RCCD1: variants seen among roughly 807,000 people sequenced by gnomAD.
The protein encoded by RCCD1 is RCC1 domain containing 1.
A neutral mutation model predicts 37.6 loss-of-function variants in RCCD1; 40 were observed. The observed-to-expected ratio is 1.06, with a 90% CI of 0.83 to 1.39. The LOEUF (loss-of-function observed/expected upper bound fraction) is 1.39. Ranked by LOEUF, RCCD1 falls within the 40% of genes most tolerant of loss-of-function variation. The probability of loss-of-function intolerance (pLI) is 0.00; values close to 1 mark genes in which losing one functional copy is unlikely to be tolerated. For synonymous variants in RCCD1, 263 were observed against 230.0 expected (o/e 1.14, Z -1.30); for missense variants, 577 against 517.3 (o/e 1.12, Z -1.12).
At chr15:90,954,985 C>G (rs544473076) in intron 1 of RCCD1, 37 bp downstream of exon 1, 3 of 152,430 alleles carry the variant, frequency 2.0e-5, no homozygotes, top group East Asian at 3.9e-4. Context: ...GGCGTCACTC[C>G]TCGCCAAACC....
chr15:90,959,798 C>T, intron 4 of RCCD1, 102 bp from the exon 5 acceptor site: 1 of 889,668 alleles, frequency 1.1e-6, no homozygotes. Flanking sequence ...TTGGGCAGGG[C>T]AGGCTTTAGT....
chr15:90,960,002 AG>A lies in RCCD1; in HGVS notation c.778+7del, dbSNP rs757216509. 1.5e-4 allele frequency: 234 copies of A among 1,609,424 alleles called. 2 individuals carry two copies. In the South Asian group the frequency reaches 2.5e-3, roughly 17 times the overall value. ...GGAGAGACTGTCGCAAGGGAAGGTG[AG>A]GGTCATCTCGGCTCCCACAGCCGTC... On this transcript the variant is annotated splice_donor_5th_base_variant and intron_variant, in intron 5 of 7. Transcript: ENST00000394258.
In RCCD1 at chr15:90,957,267, G is replaced by T; in HGVS notation, c.321G>T (p.Gly107=). ...QVWAAESALR[G]EPLWAQNVVP... is the part of the protein sequence containing the mutation. ...GGGCGGCCGAATCGGCGCTGCGTGGGGAGCCATTGTGGGCCCAGAATGTGG... is the reference window on the plus strand; with the variant it reads ...GGGCGGCCGAATCGGCGCTGCGTGGTGAGCCATTGTGGGCCCAGAATGTGG... The change falls in exon 3 of 8, where the codon GGG becomes GGT. Residue 107 remains glycine, a synonymous_variant. Transcript: ENST00000394258. The T allele has an allele frequency of 6.7e-7, 1 of 1,500,670 alleles. No individual in the cohort carries two copies. 93.0% of individuals were successfully genotyped at this position (1,500,670 alleles called of 1,614,324 possible). A position where few individuals can be genotyped will look rare whatever the true frequency, so the allele number is the denominator to read the frequency against.
At position 90,956,825 on chromosome 15, in the gene RCCD1, A is replaced by G; in HGVS notation, c.91A>G (p.Ser31Gly). 1 of 1,300,198 alleles carries G rather than the reference A, an allele frequency of 7.7e-7. No homozygotes were observed. The highest frequency in any genetic ancestry group is 9.8e-7 in the Non-Finnish European group (1 of 1,024,194). The allele number at this position is 1,300,198 out of a possible 1,614,324, so 80.5% of individuals were successfully genotyped here. ...LGSGRGRQVHSPSPLRAGVDI... is the reference protein window; with the variant it reads ...LGSGRGRQVHGPSPLRAGVDI... ...CTCCGGACGCGGGCGCCAGGTGCACAGCCCCAGTCCGCTGCGGGCGGGCGT... is the reference window on the plus strand; with the variant it reads ...CTCCGGACGCGGGCGCCAGGTGCACGGCCCCAGTCCGCTGCGGGCGGGCGT... The change falls in exon 2 of 8, where the codon AGC (serine) becomes GGC (glycine). Residue 31 changes from serine (S) to glycine (G), a missense_variant. By Grantham distance (56) the Ser-to-Gly change is moderately conservative. Transcript: ENST00000394258.
rs374753986 is a variant in RCCD1 at position 90,960,341 on chromosome 15, T to A, written c.792T>A (p.Asn264Lys). 12 of 1,607,552 alleles carry A rather than the reference T, an allele frequency of 7.5e-6. No individual in the cohort carries two copies. Among genetic ancestry groups the A allele is most frequent in the African/African-American group, 1.3e-5 (1 of 74,796 alleles). The change falls in exon 6 of 8, where the codon AAT (asparagine) becomes AAA (lysine). Residue 264 changes from asparagine to lysine, a missense_variant. By Grantham distance (94) the Asn-to-Lys change is moderately conservative. Transcript: ENST00000394258. ...ATCATTCTGAAGCCACAGAACTGAA[T>A]GAAGATGGTTCTCAGGTGAAGAGAA... ...ETVAREATELNEDGSQVKRTG... is the reference protein window; with the variant it reads ...ETVAREATELKEDGSQVKRTG...
intron 7 of RCCD1, 148 bp downstream of exon 7, chr15:90,961,202 T>C (rs1366446730): frequency 2.7e-6 from 2 of 754,374 alleles, no homozygotes; most frequent in Non-Finnish European, 2.2e-6. Flanking sequence ...CTCCCTGGGG[T>C]TGGAACAGAC....
At chr15:90,957,018 G>A (rs1009218833) in intron 2 of RCCD1, 95 bp from the exon 3 acceptor site, 1 of 1,290,238 alleles carries the variant, frequency 7.8e-7, no homozygotes, top group South Asian at 2.5e-5. Context: ...CCACATTCTG[G>A]GTTGGTCCCC....
At position 90,957,296 on chromosome 15, in the gene RCCD1, C is replaced by G; in HGVS notation, c.350C>G (p.Pro117Arg). The G allele has an allele frequency of 6.5e-7, 1 of 1,530,766 alleles. No individual in the cohort carries two copies. Among genetic ancestry groups the G allele is most frequent in the Non-Finnish European group, 8.8e-7 (1 of 1,135,776 alleles). 94.8% of individuals were successfully genotyped at this position (1,530,766 alleles called of 1,614,324 possible). A position where few individuals can be genotyped will look rare whatever the true frequency, so the allele number is the denominator to read the frequency against. Residue 117 changes from proline to arginine, a missense_variant, in exon 3 of 8, where the codon CCC becomes CGC. Coordinates refer to ENST00000394258, the MANE Select transcript of RCCD1 (RefSeq NM_001017919.2). Reference sequence around the variant, plus strand: ...CCATTGTGGGCCCAGAATGTGGTGCCCGAGGCCGAAGGGGAAGACGATCCG... The same window carrying G: ...CCATTGTGGGCCCAGAATGTGGTGCGCGAGGCCGAAGGGGAAGACGATCCG... ...GEPLWAQNVV[P>R]EAEGEDDPAG... is the part of the protein sequence containing the mutation.
Position 90,960,317 on chromosome 15 carries a change from T to A in RCCD1, c.779-11T>A. 1 of 1,590,186 alleles carries A rather than the reference T, an allele frequency of 6.3e-7. No individual in the cohort carries two copies. The highest frequency in any genetic ancestry group is 8.6e-7 in the Non-Finnish European group (1 of 1,167,424). The stretch of plus-strand genomic sequence containing the variant: ...TCAGTTGGTGTTCACATCATTATTA[T>A]CATTCTGAAGCCACAGAACTGAATG... On this transcript the variant is annotated splice_polypyrimidine_tract_variant and intron_variant, in intron 5 of 7. Coordinates refer to ENST00000394258, the MANE Select transcript of RCCD1 (RefSeq NM_001017919.2).
In RCCD1 at chr15:90,962,833, A is replaced by C. The variant is rs2037341088; in HGVS notation, c.*1064A>C. ...TCTTTTGAGAGTTAGTATTCAGAGT[A>C]TCTTCTGCTACAATGTAGTTTGTTT... On this transcript the variant is annotated 3_prime_UTR_variant, in exon 8 of 8. Transcript: ENST00000394258. 6.6e-6 allele frequency: 1 copy of C among 152,190 alleles called. No homozygotes were observed. 9.4% of individuals were successfully genotyped at this position (152,190 alleles called of 1,614,324 possible).
At position 90,957,515 on chromosome 15, in the gene RCCD1, C is replaced by T; in HGVS notation, c.557+12C>T. ...TGGGGCGGGGGCAGGTGAGCGGAGG[C>T]GGGGGCAGGTGAGGGCTGCTGATTG... On this transcript the variant is annotated intron_variant, in intron 3 of 7. Coordinates refer to ENST00000394258, the MANE Select transcript of RCCD1 (RefSeq NM_001017919.2). The T allele has an allele frequency of 1.3e-6, 2 of 1,581,550 alleles. No individual in the cohort carries two copies.
At chr15:90,960,655 T>C in intron 6 of RCCD1, 157 bp downstream of exon 6, 2 of 693,060 alleles carry the variant, frequency 2.9e-6, no homozygotes, top group Non-Finnish European at 4.7e-6. Context: ...TGTTTCACAG[T>C]AGTTCCCCAG....
At chr15:90,959,334 G>C (rs2037268002) in intron 4 of RCCD1, among the ~76,000 whole-genome samples, 1 of 152,226 alleles carries the variant, frequency 6.6e-6, no homozygotes, top group South Asian at 2.1e-4. Context: ...TTAGGCAGCT[G>C]TTCCAACCAA....
At position 90,960,056 on chromosome 15, in the gene RCCD1, C is replaced by T. The variant is rs1464662145; in HGVS notation, c.778+58C>T. 11 of 1,386,298 alleles carry T rather than the reference C, an allele frequency of 7.9e-6. No individual in the cohort carries two copies. In the Admixed American group the frequency reaches 1.1e-4, roughly 13 times the overall value. 85.9% of individuals were successfully genotyped at this position (1,386,298 alleles called of 1,614,324 possible). On this transcript the variant is annotated intron_variant, in intron 5 of 7. Transcript: ENST00000394258. ...CCCAGGATGTGGCTGTCATTCCTAA[C>T]TCCTGGCTGTATGCTGGCCTCAGAG...
At chr15:90,961,096 A>G (rs1424180682) in intron 7 of RCCD1, 42 bp downstream of exon 7, 17 of 1,599,136 alleles carry the variant, frequency 1.1e-5, no homozygotes, top group Admixed American at 1.7e-5. Flanking sequence ...AACCAAGGAG[A>G]AGAAAGACCT....
At chr15:90,957,029 A>C (rs1596252176) in intron 2 of RCCD1, 84 bp from the exon 3 acceptor site, 12 of 1,290,568 alleles carry the variant, frequency 9.3e-6, no homozygotes, top group Non-Finnish European at 1.1e-5. Context: ...GTTGGTCCCC[A>C]ATTCGACCCC....
chr15:90,956,444 G>T (rs2037194918), intron 1 of RCCD1, among the ~76,000 whole-genome samples, 168 bp from the exon 2 acceptor site: 1 of 152,162 alleles, frequency 6.6e-6, no homozygotes, highest in Non-Finnish European at 1.5e-5. Context: ...TACCCACTTT[G>T]TGGCACGCTG....
At chr15:90,957,757 C>T (rs1377458902) in intron 4 of RCCD1, 32 bp downstream of exon 4, 1 of 1,571,226 alleles carries the variant, frequency 6.4e-7, no homozygotes, top group Admixed American at 1.8e-5. Context: ...CAGACGAGCT[C>T]ATGATCTTGT....
Position 90,963,003 on chromosome 15 carries a change from C to CAT in RCCD1, c.*1235_*1236dup, listed in dbSNP as rs1381696174. On this transcript the variant is annotated 3_prime_UTR_variant, in exon 8 of 8. Transcript: ENST00000394258. ...TCTTTATAGTTAAATTCTATTTGTG[C>CAT]ATGTGTGTGTCTGTGGTTTAGCAAA... 6.6e-6 allele frequency: 1 copy of CAT among 152,118 alleles called. No individual in the cohort carries two copies. The highest frequency in any genetic ancestry group is 1.5e-5 in the Non-Finnish European group (1 of 68,026). 9.4% of individuals were successfully genotyped at this position (152,118 alleles called of 1,614,324 possible).
Sources: gnomAD v4.1 joint callset for allele counts (sites outside exome capture counted in the v4.1 genomes callset) on GRCh38, gnomAD v4.1.1 for gene constraint, MANE v1.5 for transcripts, NCBI Gene and HGNC (gene_info 2026-07-23, HGNC 2026-07-21) for gene names.